Variants in EPSTI1 observed in about 807,000 individuals in gnomAD.
EPSTI1 encodes epithelial stromal interaction 1.
In EPSTI1, 66 loss-of-function variants were observed where a neutral mutation model predicts 49.9. The observed-to-expected ratio is 1.32, with a 90% CI of 1.08 to 1.62. The LOEUF (loss-of-function observed/expected upper bound fraction) is 1.62. EPSTI1 is among the 40% of genes most tolerant of loss of function. The pLI, the probability that EPSTI1 is intolerant of heterozygous loss-of-function variation, is 0.00. For synonymous variants in EPSTI1, 137 were observed against 130.7 expected, an observed-to-expected ratio of 1.05 and a Z score of -0.33; for missense variants, 394 against 365.5, an observed-to-expected ratio of 1.08 and a Z score of -0.64.
intron 8 of EPSTI1, among the ~76,000 whole-genome samples, chr13:42,908,917 G>A (rs567033317): frequency 2.3e-5 from 3 of 129,334 alleles, no homozygotes; most frequent in South Asian, 2.6e-4. Context: ...ACCCTGTCTC[G>A]ACTAAAAATA....
chr13:42,955,880 G>T lies in EPSTI1; in HGVS notation c.490-1859C>A, dbSNP rs1320543732. On this transcript the variant is annotated intron_variant, in intron 5 of 10. Coordinates refer to ENST00000313624, the MANE Select transcript of EPSTI1 (RefSeq NM_033255.5). Reference sequence around the variant, plus strand: ...TGATAGTTGATGAAGAAGTATTTGGGGGGGGGGGGAAGTAGTAGTAGTAGT... The same window carrying T: ...TGATAGTTGATGAAGAAGTATTTGGTGGGGGGGGGAAGTAGTAGTAGTAGT... 1.2e-4 allele frequency among the ~76,000 whole-genome samples: 17 copies of T among 136,026 alleles called. 2 individuals carry two copies. The highest frequency in any genetic ancestry group is 5.8e-4 in the Admixed American group (8 of 13,776). 89.2% of individuals were successfully genotyped at this position (136,026 alleles called of 152,430 possible). A position where few individuals can be genotyped will look rare whatever the true frequency, so the allele number is the denominator to read the frequency against.
At chr13:42,965,153 A>G (rs559329701) in intron 3 of EPSTI1, among the ~76,000 whole-genome samples, 2 of 152,330 alleles carry the variant, frequency 1.3e-5, no homozygotes, top group Middle Eastern at 3.4e-3. Flanking sequence ...CTAATGTTAC[A>G]GCAACTTTTA....
intron 6 of EPSTI1, among the ~76,000 whole-genome samples, chr13:42,933,445 GC>G (rs1175339706): frequency 6.6e-6 from 1 of 151,818 alleles, no homozygotes; most frequent in African/African-American, 2.4e-5. Context: ...ATTCCTTGGT[GC>G]CTGAAAATGA....
At chr13:42,916,658 G>A (rs1216996840) in intron 8 of EPSTI1, among the ~76,000 whole-genome samples, 2 of 152,118 alleles carry the variant, frequency 1.3e-5, no homozygotes, top group African/African-American at 4.8e-5. Context: ...GTTAATTATA[G>A]AACTGAATAT....
chr13:42,900,010 G>A (rs1327773708), intron 9 of EPSTI1, among the ~76,000 whole-genome samples: 3 of 152,132 alleles, frequency 2.0e-5, no homozygotes, highest in South Asian at 2.1e-4. Context: ...TTTGTCCTAC[G>A]GTAGGCAAAT....
chr13:42,923,282 CG>C (rs549822027), intron 7 of EPSTI1, among the ~76,000 whole-genome samples: 136 of 152,196 alleles, frequency 8.9e-4, no homozygotes, highest in African/African-American at 2.9e-3. Flanking sequence ...GGCATAAGGC[CG>C]GGTGCGGTGG....
rs562250761 is a variant in EPSTI1, at chr13:42,910,184, A to G, written c.741+7357T>C. ...TTTTGATTAGATCTTTTTGTCCCAT[A>G]ACGTATTTTCTAATTAAGTTTTGCT... is the stretch of plus-strand genomic sequence containing the variant. On this transcript the variant is annotated intron_variant, in intron 8 of 10. Coordinates refer to ENST00000313624, the MANE Select transcript of EPSTI1 (RefSeq NM_033255.5). Among the ~76,000 whole-genome samples, 3 of 151,428 alleles carry G rather than the reference A, an allele frequency of 2.0e-5. No individual in the cohort carries two copies. The South Asian group carries it at 6.3e-4, about 32-fold the overall frequency.
chr13:42,888,587 G>T, intron 10 of EPSTI1, 85 bp from the exon 11 acceptor site: 1 of 1,415,236 alleles, frequency 7.1e-7, no homozygotes, highest in Admixed American at 2.2e-5. Flanking sequence ...TTCCTGCAAA[G>T]AACGCTCTTA....
chr13:42,981,740 C>A (rs2039990653), intron 1 of EPSTI1, among the ~76,000 whole-genome samples: 1 of 152,130 alleles, frequency 6.6e-6, no homozygotes, highest in South Asian at 2.1e-4. Context: ...TAGGAGGTAA[C>A]CCTCTAATGG....
chr13:42,970,658 G>A lies in EPSTI1; in HGVS notation c.201C>T (p.Tyr67=), dbSNP rs751168602. 9 of 1,607,404 alleles carry A rather than the reference G, an allele frequency of 5.6e-6. 1 individual carries two copies. The South Asian group carries it at 6.7e-5, about 12-fold the overall frequency. The change falls in exon 2 of 11, where the codon TAC becomes TAT. Residue 67 remains tyrosine, a synonymous_variant. Coordinates refer to ENST00000313624, the MANE Select transcript of EPSTI1 (RefSeq NM_033255.5). ...VHAGQRRTSA[Y]TLIAPNINRR... is the part of the protein sequence containing the mutation. ...GGTTTATATTTGGTGCTATCAAGGT[G>A]TATGCACTTGTGCTAAAAGGAAGAG...
At chr13:42,960,145 T>C (rs1446966930) in intron 5 of EPSTI1, among the ~76,000 whole-genome samples, 1 of 152,166 alleles carries the variant, frequency 6.6e-6, no homozygotes, top group Non-Finnish European at 1.5e-5. Flanking sequence ...TGGCTGTATC[T>C]GGAAACTATA....
chr13:42,964,855 T>A (rs2039560105), intron 3 of EPSTI1, among the ~76,000 whole-genome samples: 1 of 152,220 alleles, frequency 6.6e-6, no homozygotes, highest in Non-Finnish European at 1.5e-5. Flanking sequence ...ATTCTCAGTG[T>A]TTATGCAAGC....
At chr13:42,919,736 G>A (rs2037940301) in intron 7 of EPSTI1, among the ~76,000 whole-genome samples, 1 of 152,204 alleles carries the variant, frequency 6.6e-6, no homozygotes, top group African/African-American at 2.4e-5. Flanking sequence ...AATCAAGTAA[G>A]GCTAAGTTAT....
At chr13:42,918,838 A>G (rs558321875) in intron 7 of EPSTI1, among the ~76,000 whole-genome samples, 1 of 152,216 alleles carries the variant, frequency 6.6e-6, no homozygotes, top group East Asian at 1.9e-4. Flanking sequence ...TGATTCTCTG[A>G]CAAGCCTTTC....
At chr13:42,950,323 T>A (rs1054857167) in intron 6 of EPSTI1, among the ~76,000 whole-genome samples, 5 of 152,238 alleles carry the variant, frequency 3.3e-5, no homozygotes, top group African/African-American at 1.2e-4. Context: ...GTGTGCTCCA[T>A]CTGCATGTGC....
chr13:42,982,068 G>T (rs537454398), intron 1 of EPSTI1, among the ~76,000 whole-genome samples: 6 of 152,296 alleles, frequency 3.9e-5, no homozygotes, highest in Non-Finnish European at 7.4e-5. Context: ...GTAAAATAAA[G>T]CTAAAACCTG....
chr13:42,896,286 G>A (rs2037186854), intron 9 of EPSTI1, among the ~76,000 whole-genome samples: 1 of 152,124 alleles, frequency 6.6e-6, no homozygotes, highest in Non-Finnish European at 1.5e-5. Flanking sequence ...CCATGTTTAA[G>A]TCACCTTCTC....
intron 1 of EPSTI1, among the ~76,000 whole-genome samples, chr13:42,980,542 C>T (rs1047295718): frequency 6.6e-6 from 1 of 152,162 alleles, no homozygotes; most frequent in Non-Finnish European, 1.5e-5. Flanking sequence ...CATCAGGTCT[C>T]ATAAAACTTA....
At chr13:42,928,356 T>C (rs925429858) in intron 6 of EPSTI1, among the ~76,000 whole-genome samples, 1 of 152,188 alleles carries the variant, frequency 6.6e-6, no homozygotes, top group African/African-American at 2.4e-5. Context: ...AAAAATAAGA[T>C]GTAGAACCTG....
Sources: gnomAD v4.1 joint callset for allele counts (sites outside exome capture counted in the v4.1 genomes callset) on GRCh38, gnomAD v4.1.1 for gene constraint, MANE v1.5 for transcripts, NCBI Gene and HGNC (gene_info 2026-07-23, HGNC 2026-07-21) for gene names.